KCNN2: variants seen among roughly 807,000 people sequenced by gnomAD.
The protein encoded by KCNN2 is potassium calcium-activated channel subfamily N member 2, also known as small conductance calcium-activated potassium channel protein 2.
Under a neutral mutation model 55.5 loss-of-function variants are expected in KCNN2, and 24 were observed. The observed-to-expected ratio is 0.43, with a 90% CI of 0.31 to 0.61. The LOEUF (loss-of-function observed/expected upper bound fraction) is 0.61, where lower values mean the gene tolerates loss of function less well. Among genes scored for constraint, KCNN2 ranks in the 20% least tolerant of loss-of-function variants. KCNN2 has a pLI of 0.08. For synonymous variants in KCNN2, 431 were observed against 336.1 expected, an observed-to-expected ratio of 1.28 and a Z score of -3.09; for missense variants, 754 against 853.6, an observed-to-expected ratio of 0.88 and a Z score of 1.45.
chr5:114,088,977 T>G (rs953001858), intron 1 of KCNN2, among the ~76,000 whole-genome samples: 2 of 152,206 alleles, frequency 1.3e-5, no homozygotes, highest in African/African-American at 4.8e-5. Context: ...CTCACCATAC[T>G]GAGTTTTTTA....
At chr5:114,190,894 G>T (rs1423160396) in intron 1 of KCNN2, among the ~76,000 whole-genome samples, 3 of 152,112 alleles carry the variant, frequency 2.0e-5, no homozygotes, top group African/African-American at 7.2e-5. Flanking sequence ...AGGTTAAGAA[G>T]CTGTAATTCT....
intron 1 of KCNN2, among the ~76,000 whole-genome samples, chr5:114,175,751 C>G (rs889183159): frequency 1.3e-5 from 2 of 152,116 alleles, no homozygotes; most frequent in African/African-American, 2.4e-5. Context: ...TATTTTAATT[C>G]TTTTGTGACT....
Position 114,367,447 on chromosome 5 carries a change from ATATC to A in KCNN2, c.1218+3451_1218+3454del, listed in dbSNP as rs532885695. ...TCAGGTGATATTGAACTTGTTTTCTATATCTATCAGTAAAGCTAAAAAATAAATG... is the reference window on the plus strand; with the variant it reads ...TCAGGTGATATTGAACTTGTTTTCTATATCAGTAAAGCTAAAAAATAAATG... On this transcript the variant is annotated intron_variant, in intron 2 of 7. Coordinates refer to ENST00000673685, the MANE Select transcript of KCNN2 (RefSeq NM_021614.4). Among the ~76,000 whole-genome samples the A allele has an allele frequency of 2.4e-4, 37 of 152,320 alleles. No individual in the cohort carries two copies. The South Asian group carries it at 3.9e-3, about 16-fold the overall frequency.
chr5:114,193,823 T>A (rs1480412766), intron 1 of KCNN2, among the ~76,000 whole-genome samples: 3 of 152,096 alleles, frequency 2.0e-5, no homozygotes, highest in African/African-American at 7.2e-5. Context: ...AAGGAGTGAG[T>A]GCAGCATGTA....
rs536207051 is a variant in KCNN2, at chr5:114,146,935, A to G, written c.-270-74545A>G. Among the ~76,000 whole-genome samples, 17 of 152,320 alleles carry G rather than the reference A, an allele frequency of 1.1e-4. 1 individual carries two copies. In the South Asian group the frequency reaches 3.5e-3, roughly 32 times the overall value. On this transcript the variant is annotated intron_variant, in intron 1 of 10. Transcript: ENST00000512097. Reference sequence around the variant, plus strand: ...ACAGGTTTTTGTAACAAAGAGAACAAGGAAAACAGATTAGTGTCAGCAATA... The same window carrying G: ...ACAGGTTTTTGTAACAAAGAGAACAGGGAAAACAGATTAGTGTCAGCAATA...
chr5:114,219,460 G>A (rs1401925942), intron 1 of KCNN2, among the ~76,000 whole-genome samples: 1 of 152,144 alleles, frequency 6.6e-6, no homozygotes, highest in Non-Finnish European at 1.5e-5. Flanking sequence ...AAGGGTACGG[G>A]GTGGGTAGGT....
rs371879132 is a variant in KCNN2 at position 114,098,329 on chromosome 5, T to C, written c.-271+41829T>C. ...ATTCTTTAGGGACCATTGTTTGGTCTACCACAGGGGTCCCCACTGCTGGGC... is the reference window on the plus strand; with the variant it reads ...ATTCTTTAGGGACCATTGTTTGGTCCACCACAGGGGTCCCCACTGCTGGGC... On this transcript the variant is annotated intron_variant, in intron 1 of 10. Transcript: ENST00000512097. Among the ~76,000 whole-genome samples, 390 of 152,192 alleles carry C rather than the reference T, an allele frequency of 2.6e-3. 1 individual carries two copies. The highest frequency in any genetic ancestry group is 8.6e-3 in the African/African-American group (358 of 41,524).
intron 1 of KCNN2, among the ~76,000 whole-genome samples, chr5:114,211,715 G>T (rs536556276): frequency 3.9e-4 from 60 of 152,090 alleles, no homozygotes; most frequent in African/African-American, 1.4e-3. Flanking sequence ...AAGTTAAAAA[G>T]ATGTTACAGT....
chr5:114,444,275 A>AT lies in KCNN2; in HGVS notation c.1638-18774_1638-18773insT, dbSNP rs548333961. 2.8e-4 allele frequency among the ~76,000 whole-genome samples: 42 copies of AT among 152,244 alleles called. No individual in the cohort carries two copies. In the South Asian group the frequency reaches 8.5e-3, roughly 31 times the overall value. ...GTAGTGGTAATTCCAGGTGCCATGG[A>AT]CCATACAGCAAGGGATACATAACCC... is the stretch of plus-strand genomic sequence containing the variant. On this transcript the variant is annotated intron_variant, in intron 3 of 7. Transcript: ENST00000673685.
chr5:114,062,075 G>T (rs1022988532), intron 1 of KCNN2, among the ~76,000 whole-genome samples: 2 of 150,834 alleles, frequency 1.3e-5, no homozygotes, highest in Non-Finnish European at 1.5e-5. Flanking sequence ...TTTGCTTATG[G>T]TTATTTATTT....
intron 3 of KCNN2, among the ~76,000 whole-genome samples, chr5:114,413,103 C>T (rs1443489248): frequency 2.6e-5 from 4 of 152,212 alleles, no homozygotes; most frequent in Non-Finnish European, 4.4e-5. Context: ...TTATAAAAGT[C>T]GGCAGTTTGA....
chr5:114,433,291 C>A (rs1759867730), intron 3 of KCNN2, among the ~76,000 whole-genome samples: 1 of 152,218 alleles, frequency 6.6e-6, no homozygotes, highest in Admixed American at 6.5e-5. Flanking sequence ...CACCAATCGA[C>A]ACTGTATCTA....
Position 114,348,877 on chromosome 5 carries a change from C to T in KCNN2, c.-184-12068C>T, listed in dbSNP as rs1022181731. Among the ~76,000 whole-genome samples the T allele has an allele frequency of 2.0e-5, 3 of 152,136 alleles. 1 individual carries two copies. The highest frequency in any genetic ancestry group is 4.1e-4 in the South Asian group (2 of 4,826). On this transcript the variant is annotated intron_variant, in intron 2 of 10. Transcript: ENST00000512097. ...TTCAGTTTTATTTGGGAATTGCTCT[C>T]ATCACTTTTTAACAATTTTCTTAAG...
At chr5:114,096,351 C>T (rs772501829) in intron 1 of KCNN2, among the ~76,000 whole-genome samples, 5 of 152,162 alleles carry the variant, frequency 3.3e-5, no homozygotes. Context: ...TATACACTAA[C>T]TTTGACCATG....
Position 114,283,592 on chromosome 5 carries a change from G to T in KCNN2, c.-185+62027G>T, listed in dbSNP as rs1415738194. Among the ~76,000 whole-genome samples the T allele has an allele frequency of 2.0e-5, 3 of 151,974 alleles. No homozygotes were observed. In the East Asian group the frequency reaches 5.8e-4, roughly 29 times the overall value. On this transcript the variant is annotated intron_variant, in intron 2 of 10. Coordinates refer to the KCNN2 transcript ENST00000512097. ...TTGTCATCTTTGTATGTCTCTTATT[G>T]TCCTTATAGTCTTTCGTTGTTGCCT...
At chr5:114,226,223 C>G (rs900666421) in intron 2 of KCNN2, among the ~76,000 whole-genome samples, 1 of 151,986 alleles carries the variant, frequency 6.6e-6, no homozygotes, top group Non-Finnish European at 1.5e-5. Flanking sequence ...TACATATACT[C>G]CTTTAGAGTG....
In KCNN2 at chr5:114,487,177, A is replaced by G; in HGVS notation, c.2018A>G (p.Gln673Arg). ...CGAAAATTCCTGCAAGCTATTCATC[A>G]GTAAGTATCATTTTTCATTTTTATC... is the stretch of plus-strand genomic sequence containing the variant. The part of the protein sequence containing the change: ...HQRKFLQAIH[Q>R]LRSVKMEQRK... The change falls in exon 6 of 8, where the codon CAA (glutamine) becomes CGA (arginine). Residue 673 changes from glutamine to arginine, a missense_variant and splice_region_variant. Transcript: ENST00000673685. The G allele has an allele frequency of 6.2e-7, 1 of 1,612,320 alleles. No homozygotes were observed. The highest frequency in any genetic ancestry group is 1.7e-5 in the Admixed American group (1 of 59,876).
chr5:114,274,265 T>C (rs1755434051), intron 2 of KCNN2, among the ~76,000 whole-genome samples: 1 of 152,124 alleles, frequency 6.6e-6, no homozygotes, highest in Non-Finnish European at 1.5e-5. Flanking sequence ...TGAAGTCAGG[T>C]AGCATGATGC....
chr5:114,329,903 T>C (rs1756780549), intron 2 of KCNN2, among the ~76,000 whole-genome samples: 1 of 152,140 alleles, frequency 6.6e-6, no homozygotes, highest in Non-Finnish European at 1.5e-5. Context: ...TAGGGTGACA[T>C]TATTCCTCCT....
Sources: gnomAD v4.1 joint callset for allele counts (sites outside exome capture counted in the v4.1 genomes callset) on GRCh38, gnomAD v4.1.1 for gene constraint, MANE v1.5 for transcripts, NCBI Gene and HGNC (gene_info 2026-07-23, HGNC 2026-07-21) for gene names.